SEMA4D: variants seen among roughly 807,000 people sequenced by gnomAD.
The protein encoded by SEMA4D is semaphorin 4D.
In SEMA4D, 22 loss-of-function variants were observed where a neutral mutation model predicts 74.8. The ratio of observed to expected loss-of-function variants is 0.29; its 90% CI spans 0.21 to 0.42. The LOEUF is 0.42. Ranked by LOEUF, SEMA4D falls within the 10% of genes least tolerant of loss-of-function variation. The pLI is 1.00. For missense variants in SEMA4D, 937 were observed against 1,118.4 expected (o/e 0.84, Z 2.31); for synonymous variants, 445 against 463.7 (o/e 0.96, Z 0.52).
intron 1 of SEMA4D, among the ~76,000 whole-genome samples, chr9:89,473,330 T>C (rs1055672252): frequency 1.3e-5 from 2 of 152,038 alleles, no homozygotes; most frequent in African/African-American, 4.8e-5. Context: ...ATCCCAGCAC[T>C]TTAGGAGGCC....
intron 12 of SEMA4D, among the ~76,000 whole-genome samples, chr9:89,386,964 C>T (rs1380121621): frequency 6.6e-6 from 1 of 152,262 alleles, no homozygotes; most frequent in Non-Finnish European, 1.5e-5. Flanking sequence ...TCAGAGTCCA[C>T]ATGCCAGGGC....
At chr9:89,397,085 C>T (rs1201515359) in intron 5 of SEMA4D, among the ~76,000 whole-genome samples, 7 of 152,204 alleles carry the variant, frequency 4.6e-5, no homozygotes, top group Admixed American at 4.6e-4. Flanking sequence ...CAACCCCACC[C>T]CTAGGCAAAC....
chr9:89,472,538 G>T, intron 1 of SEMA4D: 1 of 253,206 alleles, frequency 3.9e-6, no homozygotes, highest in South Asian at 4.9e-5. Context: ...CGACATGGTG[G>T]ACCCAAGAGC....
chr9:89,380,261 G>C (rs1352320500), intron 15 of SEMA4D, among the ~76,000 whole-genome samples: 1 of 152,132 alleles, frequency 6.6e-6, no homozygotes, highest in Non-Finnish European at 1.5e-5. Flanking sequence ...TCGAACTCCT[G>C]AGCTCAAGTG....
intron 18 of SEMA4D, chr9:89,362,474 C>T: frequency 2.5e-6 from 4 of 1,613,922 alleles, no homozygotes; most frequent in Non-Finnish European, 3.4e-6. Flanking sequence ...AACGGATGGG[C>T]CTTTCCTGCT....
intron 2 of SEMA4D, among the ~76,000 whole-genome samples, chr9:89,424,809 C>T (rs1214693356): frequency 6.6e-6 from 1 of 152,148 alleles, no homozygotes; most frequent in African/African-American, 2.4e-5. Context: ...AAGAGCTCCA[C>T]CTTCTTACGG....
chr9:89,363,554 C>G (rs747942399), intron 17 of SEMA4D: 2 of 1,613,246 alleles, frequency 1.2e-6, no homozygotes, highest in East Asian at 4.5e-5. Flanking sequence ...GTCCCCAGGT[C>G]AAAGCTCTGT....
intron 1 of SEMA4D, chr9:89,472,621 G>T: frequency 5.0e-6 from 1 of 198,312 alleles, no homozygotes; most frequent in South Asian, 8.0e-5. Flanking sequence ...TGGGCCTAAT[G>T]ATGTCGGTGC....
chr9:89,449,846 G>A (rs1157763472), intron 2 of SEMA4D: 1 of 1,498,142 alleles, frequency 6.7e-7, no homozygotes, highest in African/African-American at 1.4e-5. Context: ...AGAGAGACCA[G>A]GATTATATTC....
At chr9:89,406,568 C>T (rs1348662888) in intron 2 of SEMA4D, among the ~76,000 whole-genome samples, 1 of 152,234 alleles carries the variant, frequency 6.6e-6, no homozygotes, top group African/African-American at 2.4e-5. Context: ...CGCCACAGGA[C>T]TGGCCCAAGG....
chr9:89,473,796 A>T (rs1369193427), intron 1 of SEMA4D, among the ~76,000 whole-genome samples: 2 of 99,960 alleles, frequency 2.0e-5, no homozygotes, highest in African/African-American at 6.7e-5. Context: ...CAGAGGTTGC[A>T]GTGAGCTGAG....
At chr9:89,373,956 G>A (rs1220155801), downstream of SEMA4D, among the ~76,000 whole-genome samples, 1 of 152,210 alleles carries the variant, frequency 6.6e-6, no homozygotes, top group African/African-American at 2.4e-5. Flanking sequence ...GAAATTCACA[G>A]CCACAGCCCC....
rs1824992913 is a variant in SEMA4D at position 89,484,484 on chromosome 9, T to C, written c.-310+13435A>G. On this transcript the variant is annotated intron_variant, in intron 1 of 15. Transcript: ENST00000422704. This position sits in a 1 kb window ranked among gnomAD's most constrained non-coding sequence, Gnocchi z 4.1. ...GTGTGTGTGTGTGGCATGGTATGTG[T>C]ATGTACCACGTGGTGGGTTTGTGTA... Among the ~76,000 whole-genome samples, 4 of 150,302 alleles carry C rather than the reference T, an allele frequency of 2.7e-5. No homozygotes were observed. Among genetic ancestry groups the C allele is most frequent in the Admixed American group, 2.6e-4 (4 of 15,114 alleles).
In SEMA4D at chr9:89,484,639, A is replaced by G. The variant is rs181210893; in HGVS notation, c.-310+13280T>C. ...GATGTGCGGTGTATGTATGCAGTAT[A>G]TATGTAGTGTGTGTGTGGTGTGGTG... On this transcript the variant is annotated intron_variant, in intron 1 of 15. Transcript: ENST00000422704. The surrounding 1 kb of genome is among the most constrained non-coding windows in gnomAD (Gnocchi z 4.1). 6.8e-6 allele frequency among the ~76,000 whole-genome samples: 1 copy of G among 146,832 alleles called. No homozygotes were observed. The highest frequency in any genetic ancestry group is 2.0e-4 in the East Asian group (1 of 4,954).
chr9:89,409,750 C>A (rs975567020), intron 2 of SEMA4D, among the ~76,000 whole-genome samples: 2 of 152,056 alleles, frequency 1.3e-5, no homozygotes, highest in Non-Finnish European at 2.9e-5. Context: ...GGGTCAAATA[C>A]CAAAGATGCT....
At chr9:89,479,868 G>T (rs1194734672) in intron 1 of SEMA4D, 1 of 152,628 alleles carries the variant, frequency 6.6e-6, no homozygotes, top group African/African-American at 2.4e-5. Flanking sequence ...CCACAGTGTG[G>T]AAGGGGACCC....
chr9:89,393,472 A>C lies in SEMA4D; in HGVS notation c.508+90T>G. 6.5e-6 allele frequency: 7 copies of C among 1,074,552 alleles called. No homozygotes were observed. In the South Asian group the frequency reaches 6.6e-5, roughly 10 times the overall value. 66.6% of individuals were successfully genotyped at this position (1,074,552 alleles called of 1,614,324 possible). A position where few individuals can be genotyped will look rare whatever the true frequency, so the allele number is the denominator to read the frequency against. On this transcript the variant is annotated intron_variant, in intron 7 of 15. Coordinates refer to ENST00000422704, the MANE Select transcript of SEMA4D (RefSeq NM_001371194.2). Reference sequence around the variant, plus strand: ...CTATTTAAACAAAGCCAAGGAAGACAGCACTTCAGAGAAGATCCAAATATC... The same window carrying C: ...CTATTTAAACAAAGCCAAGGAAGACCGCACTTCAGAGAAGATCCAAATATC...
chr9:89,372,472 G>T (rs1370520740), downstream of SEMA4D, among the ~76,000 whole-genome samples: 2 of 151,784 alleles, frequency 1.3e-5, no homozygotes, highest in African/African-American at 4.9e-5. Flanking sequence ...ACTGACTATA[G>T]TAAATGTGCA....
At chr9:89,376,729 G>A, downstream of SEMA4D, 19 of 1,435,326 alleles carry the variant, frequency 1.3e-5, no homozygotes, top group Non-Finnish European at 1.8e-5. Flanking sequence ...GATAAGGAAG[G>A]TAAAGGAACA....
Sources: allele counts gnomAD v4.1 joint callset (sites outside exome capture counted in the v4.1 genomes callset), GRCh38; gene constraint gnomAD v4.1.1; non-coding constraint Gnocchi (gnomAD v3.1); transcripts MANE v1.5; gene names NCBI Gene and HGNC (gene_info 2026-07-23, HGNC 2026-07-21).